The following CEACAM16 variants were observed in gnomAD, a reference collection of about 807,000 sequenced individuals.
The protein encoded by CEACAM16 is cell adhesion molecule CEACAM16.
A neutral mutation model predicts 39.4 loss-of-function variants in CEACAM16; 30 were observed. That is an observed-to-expected ratio of 0.76 (90% CI 0.57 to 1.03). The LOEUF (loss-of-function observed/expected upper bound fraction) is 1.03. CEACAM16 is among the 50% of genes least tolerant of loss of function. The pLI is 0.00. For missense variants in CEACAM16, 521 were observed against 585.3 expected, an observed-to-expected ratio of 0.89 and a Z score of 1.13; for synonymous variants, 262 against 264.9, an observed-to-expected ratio of 0.99 and a Z score of 0.11.
chr19:44,705,842 C>A lies in CEACAM16; in HGVS notation c.914C>A (p.Ser305Tyr). 1 of 1,613,516 alleles carries A rather than the reference C, an allele frequency of 6.2e-7. No individual in the cohort carries two copies. Among genetic ancestry groups the A allele is most frequent in the African/African-American group, 1.3e-5 (1 of 75,042 alleles). The change falls in exon 5 of 7, where the codon TCT becomes TAT. Residue 305 changes from serine to tyrosine, a missense_variant. Transcript: ENST00000587331. Reference protein sequence around the residue: ...AKNTKTLLSGSASVVVKLSAA... With the variant: ...AKNTKTLLSGYASVVVKLSAA... ...AACACCAAGACCCTGCTATCTGGAT[C>A]TGCCTCAGTCGTGGTCAAGCTCTCT...
chr19:44,709,680 G>T (rs1392181037), intron 6 of CEACAM16, among the ~76,000 whole-genome samples: 1 of 149,080 alleles, frequency 6.7e-6, no homozygotes, highest in Non-Finnish European at 1.5e-5. Flanking sequence ...CCCAGAGTCA[G>T]GGACCATGTC....
At position 44,705,829 on chromosome 19, in the gene CEACAM16, C is replaced by T. The variant is rs751860376; in HGVS notation, c.901C>T (p.Leu301=). 6.2e-7 allele frequency: 1 copy of T among 1,613,890 alleles called. No homozygotes were observed. Among genetic ancestry groups the T allele is most frequent in the Admixed American group, 1.7e-5 (1 of 60,020 alleles). ...ATGTATTGCGAAGAACACCAAGACC[C>T]TGCTATCTGGATCTGCCTCAGTCGT... ...YTCIAKNTKT[L]LSGSASVVVK... The change falls in exon 5 of 7, where the codon CTG becomes TTG. Residue 301 remains leucine, a synonymous_variant. Coordinates refer to ENST00000587331, the MANE Select transcript of CEACAM16 (RefSeq NM_001039213.4).
Position 44,703,475 on chromosome 19 carries a change from C to A in CEACAM16, c.164C>A (p.Ala55Glu), listed in dbSNP as rs747360355. The A allele has an allele frequency of 6.2e-7, 1 of 1,613,810 alleles. No homozygotes were observed. The highest frequency in any genetic ancestry group is 8.5e-7 in the Non-Finnish European group (1 of 1,179,876). Residue 55 changes from alanine to glutamate, a missense_variant, in exon 3 of 7, where the codon GCG (alanine) becomes GAG (glutamate). Physicochemically the swap from Ala to Glu is moderately radical, Grantham distance 107. Transcript: ENST00000587331. ...GAACTGCTCGCCTACAGCTGGTATGCGGGGCCCACACTCAGCGTGTCATAC... is the reference window on the plus strand; with the variant it reads ...GAACTGCTCGCCTACAGCTGGTATGAGGGGCCCACACTCAGCGTGTCATAC... ...SGELLAYSWY[A>E]GPTLSVSYLV...
intron 4 of CEACAM16, among the ~76,000 whole-genome samples, chr19:44,705,077 C>T (rs1468485722): frequency 6.6e-6 from 1 of 152,200 alleles, no homozygotes; most frequent in African/African-American, 2.4e-5. Flanking sequence ...TAGAATCTTA[C>T]AACCAGAGAA....
At chr19:44,702,002 C>T (rs1466303727) in intron 2 of CEACAM16, among the ~76,000 whole-genome samples, 5 of 152,104 alleles carry the variant, frequency 3.3e-5, no homozygotes, top group Non-Finnish European at 5.9e-5. Context: ...TTTAAAACCA[C>T]CTATGAGGGG....
chr19:44,701,525 GCCC>G lies in CEACAM16; in HGVS notation c.37+36_37+38del, dbSNP rs749931404. 1.9e-6 allele frequency: 3 copies of G among 1,553,708 alleles called. No homozygotes were observed. The Admixed American group carries it at 5.8e-5, about 30-fold the overall frequency. On this transcript the variant is annotated intron_variant, in intron 2 of 6. Coordinates refer to ENST00000587331, the MANE Select transcript of CEACAM16 (RefSeq NM_001039213.4). The surrounding 1 kb of genome is among the most constrained non-coding windows in gnomAD (Gnocchi z 4.0). ...GAGAATGGCACCCCCCAGCACCTCA[GCCC>G]CCCGAGGACCCCAGGGAGGGGAGGG...
At position 44,704,274 on chromosome 19, in the gene CEACAM16, G is replaced by A. The variant is rs1473649460; in HGVS notation, c.639G>A (p.Glu213=). ...VWNPVSVSRS[E]PINLTVYFGP... ...ACCCGGTCAGTGTCAGCCGCAGCGA[G>A]CCCATCAACCTGACCGTGTACTGTG... Residue 213 remains glutamate (E), a synonymous_variant, in exon 4 of 7, where the codon GAG becomes GAA. Transcript: ENST00000587331. 3.3e-6 allele frequency: 5 copies of A among 1,525,334 alleles called. No individual in the cohort carries two copies. Among genetic ancestry groups the A allele is most frequent in the Non-Finnish European group, 4.4e-6 (5 of 1,133,558 alleles). The allele number at this position is 1,525,334 out of a possible 1,614,324, so 94.5% of individuals were successfully genotyped here.
intron 2 of CEACAM16, among the ~76,000 whole-genome samples, 159 bp from the exon 3 acceptor site, chr19:44,703,188 TGA>T (rs1974376814): frequency 6.6e-6 from 1 of 152,256 alleles, no homozygotes; most frequent in East Asian, 1.9e-4. Context: ...GCTGAGATGT[TGA>T]GAGTCAGAGT....
rs1974305956 is a variant in CEACAM16, at chr19:44,699,255, G to C, written c.-102G>C. On this transcript the variant is annotated 5_prime_UTR_variant, in exon 1 of 7. Coordinates refer to ENST00000587331, the MANE Select transcript of CEACAM16 (RefSeq NM_001039213.4). Reference sequence around the variant, plus strand: ...TTTACTGAGCATTTACTCTGCGCCAGTCGTGGTAAGTACTGTACTTCACAT... The same window carrying C: ...TTTACTGAGCATTTACTCTGCGCCACTCGTGGTAAGTACTGTACTTCACAT... The C allele has an allele frequency of 1.9e-6, 1 of 534,278 alleles. No individual in the cohort carries two copies. Among genetic ancestry groups the C allele is most frequent in the African/African-American group, 1.9e-5 (1 of 51,940 alleles). 33.1% of individuals were successfully genotyped at this position (534,278 alleles called of 1,614,324 possible).
chr19:44,710,559 G>A lies in CEACAM16; in HGVS notation c.*53G>A. 2 of 1,612,270 alleles carry A rather than the reference G, an allele frequency of 1.2e-6. No homozygotes were observed. The highest frequency in any genetic ancestry group is 1.7e-6 in the Non-Finnish European group (2 of 1,178,516). ...GAAGAGCTCTTCGCACCATCCTCTG[G>A]TCCTCGCCCTCTGAGTGGGAACCAC... is the stretch of plus-strand genomic sequence containing the variant. On this transcript the variant is annotated 3_prime_UTR_variant, in exon 7 of 7. Transcript: ENST00000587331.
intron 5 of CEACAM16, 146 bp from the exon 6 acceptor site, chr19:44,707,715 G>C (rs1002181839): frequency 1.6e-6 from 1 of 626,174 alleles, no homozygotes; most frequent in East Asian, 3.0e-5. Flanking sequence ...CTCCACCACC[G>C]CACAAGTCAC....
At chr19:44,710,227 G>T (rs962059470) in intron 6 of CEACAM16, among the ~76,000 whole-genome samples, 10 of 152,234 alleles carry the variant, frequency 6.6e-5, no homozygotes, top group African/African-American at 2.4e-4. Context: ...TGTTAGGGGA[G>T]AATGCTGTTC....
chr19:44,703,740 A>C (rs773867467), intron 3 of CEACAM16, 47 bp downstream of exon 3: 7 of 1,312,906 alleles, frequency 5.3e-6, no homozygotes, highest in Admixed American at 5.8e-5. Flanking sequence ...GGGCCTTCCC[A>C]TCTCCTTCTC....
At chr19:44,705,568 T>C in intron 4 of CEACAM16, 22 bp from the exon 5 acceptor site, 1 of 1,573,780 alleles carries the variant, frequency 6.4e-7, no homozygotes, top group Non-Finnish European at 8.7e-7. Context: ...CTGCCCCATC[T>C]ATCTCCCTCC....
intron 4 of CEACAM16, among the ~76,000 whole-genome samples, chr19:44,704,761 AC>A (rs1303866107): frequency 0.59 from 89,027 of 150,180 alleles, 26,540 homozygotes; most frequent in South Asian, 0.64. Context: ...ACAAAAAAAA[AC>A]AACAACAACA....
intron 2 of CEACAM16, among the ~76,000 whole-genome samples, chr19:44,702,791 A>T (rs2122190184): frequency 6.6e-6 from 1 of 152,296 alleles, no homozygotes; most frequent in East Asian, 1.9e-4. Flanking sequence ...ATCTCGCGAG[A>T]CTTAGTTTGG....
At chr19:44,702,957 C>T (rs758606770) in intron 2 of CEACAM16, among the ~76,000 whole-genome samples, 6 of 152,342 alleles carry the variant, frequency 3.9e-5, no homozygotes, top group Non-Finnish European at 5.9e-5. Flanking sequence ...CTCCCTCCCT[C>T]GGACTGAGTC....
rs369512841 is a variant in CEACAM16, at chr19:44,703,486, C to T, written c.175C>T (p.Leu59Phe). 69 of 1,613,740 alleles carry T rather than the reference C, an allele frequency of 4.3e-5. No individual in the cohort carries two copies. The highest frequency in any genetic ancestry group is 3.6e-5 in the Non-Finnish European group (43 of 1,179,894). ...CTACAGCTGGTATGCGGGGCCCACACTCAGCGTGTCATACCTGGTGGCCAG... is the reference window on the plus strand; with the variant it reads ...CTACAGCTGGTATGCGGGGCCCACATTCAGCGTGTCATACCTGGTGGCCAG... Reference protein sequence around the residue: ...LAYSWYAGPTLSVSYLVASYI... With the variant: ...LAYSWYAGPTFSVSYLVASYI... The change falls in exon 3 of 7, where the codon CTC becomes TTC. Residue 59 changes from leucine (L) to phenylalanine (F), a missense_variant. Coordinates refer to ENST00000587331, the MANE Select transcript of CEACAM16 (RefSeq NM_001039213.4).
In CEACAM16 at chr19:44,701,494, G is replaced by T; in HGVS notation, c.37+1G>T. 2.6e-6 allele frequency: 4 copies of T among 1,564,382 alleles called. No homozygotes were observed. Among genetic ancestry groups the T allele is most frequent in the East Asian group, 2.4e-5 (1 of 41,948 alleles). On this transcript the variant is annotated splice_donor_variant, in intron 2 of 6. Transcript: ENST00000587331. LOFTEE classifies it high-confidence loss of function. The surrounding 1 kb of genome is among the most constrained non-coding windows in gnomAD (Gnocchi z 4.0). Reference sequence around the variant, plus strand: ...GGGTACAGCTGGCTGCTCCTCAGTGGTGAGCGAGAATGGCACCCCCCAGCA... The same window carrying T: ...GGGTACAGCTGGCTGCTCCTCAGTGTTGAGCGAGAATGGCACCCCCCAGCA...
Sources: allele counts gnomAD v4.1 joint callset (sites outside exome capture counted in the v4.1 genomes callset), GRCh38; gene constraint gnomAD v4.1.1; non-coding constraint Gnocchi (gnomAD v3.1); transcripts MANE v1.5; gene names NCBI Gene and HGNC (gene_info 2026-07-23, HGNC 2026-07-21).